Variants in AKT3 observed in about 807,000 individuals in gnomAD.
AKT3 encodes RAC-gamma serine/threonine-protein kinase.
AKT3 carries 15 observed loss-of-function variants against 65.3 expected under a neutral mutation model. The ratio of observed to expected loss-of-function variants is 0.23; its 90% confidence interval spans 0.15 to 0.35. The LOEUF (loss-of-function observed/expected upper bound fraction) is 0.35, where lower values mean the gene tolerates loss of function less well. AKT3 is among the 10% of genes least tolerant of loss of function. AKT3 has a pLI of 1.00. For synonymous variants in AKT3, 206 were observed against 183.8 expected (o/e 1.12, Z -0.98); for missense variants, 243 against 576.5 (o/e 0.42, Z 5.92).
chr1:243,657,114 C>T (rs1681863990), intron 4 of AKT3, among the ~76,000 whole-genome samples: 2 of 152,102 alleles, frequency 1.3e-5, no homozygotes. Flanking sequence ...GGAAGTGGGC[C>T]TTCATGAGGT....
intron 2 of AKT3, among the ~76,000 whole-genome samples, chr1:243,780,570 AAT>A (rs746539925): frequency 1.3e-5 from 2 of 151,362 alleles, no homozygotes; most frequent in Non-Finnish European, 3.0e-5. Context: ...AGTATTTAAA[AAT>A]ATGTTTAAAA....
At chr1:243,593,156 A>C (rs75651676) in intron 8 of AKT3, among the ~76,000 whole-genome samples, 2 of 152,240 alleles carry the variant, frequency 1.3e-5, no homozygotes, top group African/African-American at 2.4e-5. Context: ...ATACGAGAAC[A>C]GTTGTTAACA....
chr1:243,678,888 C>A (rs1252426597), intron 3 of AKT3, among the ~76,000 whole-genome samples: 1 of 152,136 alleles, frequency 6.6e-6, no homozygotes, highest in Non-Finnish European at 1.5e-5. Flanking sequence ...CACAATTCCA[C>A]TTATACATGG....
At chr1:243,778,584 T>C (rs1690703070) in intron 2 of AKT3, among the ~76,000 whole-genome samples, 2 of 152,204 alleles carry the variant, frequency 1.3e-5, no homozygotes, top group Admixed American at 1.3e-4. Flanking sequence ...TTAAGAATAC[T>C]GTGCTGTAGG....
intron 8 of AKT3, among the ~76,000 whole-genome samples, chr1:243,584,609 T>C (rs1217873429): frequency 6.6e-6 from 1 of 152,180 alleles, no homozygotes. Context: ...GTAGGCATCA[T>C]TCCTGGGATG....
At chr1:243,514,946 C>A (rs548638974) in intron 12 of AKT3, among the ~76,000 whole-genome samples, 1 of 152,188 alleles carries the variant, frequency 6.6e-6, no homozygotes, top group Non-Finnish European at 1.5e-5. Context: ...TTCTTGTGCC[C>A]ATGTGTACTT....
chr1:243,666,844 A>G (rs1315923598), intron 3 of AKT3, among the ~76,000 whole-genome samples: 1 of 152,226 alleles, frequency 6.6e-6, no homozygotes, highest in African/African-American at 2.4e-5. Context: ...TTTGTAGTAA[A>G]GTATTGAATA....
chr1:243,556,017 C>T (rs1475614199), intron 10 of AKT3, among the ~76,000 whole-genome samples: 1 of 151,906 alleles, frequency 6.6e-6, no homozygotes, highest in African/African-American at 2.4e-5. Context: ...AGATTTGGAA[C>T]ATCAAAAAAA....
intron 2 of AKT3, among the ~76,000 whole-genome samples, chr1:243,806,620 ATTATCTAGTG>A (rs1395149783): frequency 2.6e-5 from 4 of 152,188 alleles, no homozygotes; most frequent in Non-Finnish European, 5.9e-5. Flanking sequence ...AGTACATTGT[ATTATCTAGTG>A]TGATTCCTTG....
intron 2 of AKT3, among the ~76,000 whole-genome samples, chr1:243,731,636 G>T (rs2148146493): frequency 6.6e-6 from 1 of 152,226 alleles, no homozygotes; most frequent in South Asian, 2.1e-4. Context: ...CACTAGAAGT[G>T]ACGCACTGAA....
chr1:243,575,510 C>G (rs1674874622), intron 8 of AKT3, among the ~76,000 whole-genome samples: 2 of 151,922 alleles, frequency 1.3e-5, no homozygotes, highest in South Asian at 4.1e-4. Context: ...AATCATAACT[C>G]AATAAAGTGG....
intron 8 of AKT3, among the ~76,000 whole-genome samples, chr1:243,596,185 C>T (rs1676599985): frequency 6.6e-6 from 1 of 152,046 alleles, no homozygotes; most frequent in Non-Finnish European, 1.5e-5. Context: ...ACCTGGGGTA[C>T]ACAAACATTT....
At chr1:243,754,377 T>C (rs796477768) in intron 2 of AKT3, among the ~76,000 whole-genome samples, 3 of 152,342 alleles carry the variant, frequency 2.0e-5, no homozygotes, top group African/African-American at 7.2e-5. Context: ...TGAGCAGTGG[T>C]ACTCAAAACC....
chr1:243,771,735 C>G (rs1210957514), intron 2 of AKT3, among the ~76,000 whole-genome samples: 3 of 152,054 alleles, frequency 2.0e-5, no homozygotes, highest in Non-Finnish European at 4.4e-5. Flanking sequence ...GCAGAATGGT[C>G]TCATGTGGTG....
intron 2 of AKT3, among the ~76,000 whole-genome samples, chr1:243,802,164 T>C (rs960321085): frequency 1.3e-5 from 2 of 152,188 alleles, no homozygotes; most frequent in Non-Finnish European, 2.9e-5. Context: ...ATTTTCCTTT[T>C]TGTAAGTTTG....
intron 12 of AKT3, among the ~76,000 whole-genome samples, chr1:243,534,841 C>T (rs370165436): frequency 3.3e-5 from 5 of 151,774 alleles, no homozygotes; most frequent in African/African-American, 1.2e-4. Context: ...TAAAATAATG[C>T]TTAGAGGAAA....
chr1:243,656,432 G>C (rs1681798398), intron 4 of AKT3, among the ~76,000 whole-genome samples: 1 of 152,088 alleles, frequency 6.6e-6, no homozygotes, highest in South Asian at 2.1e-4. Context: ...GGTATTGTGG[G>C]GAAGTATAAT....
Position 243,503,391 on chromosome 1 carries a change from TGC to T in AKT3, c.*1856_*1857del, listed in dbSNP as rs954308013. 27 of 218,276 alleles carry T rather than the reference TGC, an allele frequency of 1.2e-4. No homozygotes were observed. Among genetic ancestry groups the T allele is most frequent in the African/African-American group, 6.9e-4 (27 of 39,100 alleles). The allele number at this position is 218,276 out of a possible 1,614,324, so 13.5% of individuals were successfully genotyped here. The stretch of plus-strand genomic sequence containing the variant: ...GATTCATCCTACTTAGAAAGTCACT[TGC>T]TCTTTCATACAATGCAATCATAATA... On this transcript the variant is annotated 3_prime_UTR_variant, in exon 14 of 14. Transcript: ENST00000673466.
At chr1:243,488,647 G>A (rs1206154061) in intron 13 of AKT3, among the ~76,000 whole-genome samples, 1 of 152,152 alleles carries the variant, frequency 6.6e-6, no homozygotes, top group African/African-American at 2.4e-5. Flanking sequence ...CAGCCGGGGC[G>A]GCCGTCTGCT....
Sources: gnomAD v4.1 joint callset for allele counts (sites outside exome capture counted in the v4.1 genomes callset) on GRCh38, gnomAD v4.1.1 for gene constraint, MANE v1.5 for transcripts, NCBI Gene and HGNC (gene_info 2026-07-23, HGNC 2026-07-21) for gene names.